The following OSBPL3 variants were observed in gnomAD, a reference collection of about 807,000 sequenced individuals.
OSBPL3 encodes oxysterol binding protein like 3.
OSBPL3 carries 65 observed loss-of-function variants against 120.1 expected under a neutral mutation model. The observed-to-expected ratio is 0.54, with a 90% CI of 0.44 to 0.67. OSBPL3 has a LOEUF of 0.67. Ranked by LOEUF, OSBPL3 falls within the 30% of genes least tolerant of loss-of-function variation. OSBPL3 has a pLI of 0.00. For missense variants in OSBPL3, 1,004 were observed against 1,082.1 expected, an observed-to-expected ratio of 0.93 and a Z score of 1.01; for synonymous variants, 416 against 402.6, an observed-to-expected ratio of 1.03 and a Z score of -0.40.
intron 14 of OSBPL3, among the ~76,000 whole-genome samples, chr7:24,836,979 T>A (rs1797077713): frequency 1.3e-5 from 2 of 152,070 alleles, no homozygotes; most frequent in South Asian, 4.1e-4. Context: ...GGACCACAGA[T>A]GCACACCAAC....
At chr7:24,941,859 C>T (rs771095132) in intron 1 of OSBPL3, among the ~76,000 whole-genome samples, 10 of 152,162 alleles carry the variant, frequency 6.6e-5, no homozygotes, top group Admixed American at 1.3e-4. Context: ...GCCTCCTAAG[C>T]GCCAACTCAA....
chr7:24,938,779 A>ATGTGTGTGTCTGTGTGTG lies in OSBPL3; in HGVS notation c.-150+41106_-150+41107insCACACACAGACACACACA, dbSNP rs1464067345. Among the ~76,000 whole-genome samples the ATGTGTGTGTCTGTGTGTG allele has an allele frequency of 5.6e-4, 53 of 94,258 alleles. 3 individuals are homozygous for ATGTGTGTGTCTGTGTGTG. The highest frequency in any genetic ancestry group is 1.7e-3 in the African/African-American group (41 of 24,504). The allele number at this position is 94,258 out of a possible 152,430, so 61.8% of individuals were successfully genotyped here. A position where few individuals can be genotyped will look rare whatever the true frequency, so the allele number is the denominator to read the frequency against. ...AACTGAATAATGAGGTTTTGTTTTG[A>ATGTGTGTGTCTGTGTGTG]TGTGTGTGTGTGTGTGTGTGTGTGT... On this transcript the variant is annotated intron_variant, in intron 1 of 22. Coordinates refer to ENST00000313367, the MANE Select transcript of OSBPL3 (RefSeq NM_015550.4). This position sits in a 1 kb window ranked among gnomAD's most constrained non-coding sequence, Gnocchi z 5.8.
intron 19 of OSBPL3, among the ~76,000 whole-genome samples, chr7:24,811,490 T>C (rs553129043): frequency 6.6e-6 from 1 of 152,368 alleles, no homozygotes; most frequent in Admixed American, 6.5e-5. Context: ...ATTGTTTCCT[T>C]TGCTGTTTAG....
Position 24,881,630 on chromosome 7 carries a change from G to T in OSBPL3, c.97-9561C>A, listed in dbSNP as rs950714549. Among the ~76,000 whole-genome samples, 7 of 152,170 alleles carry T rather than the reference G, an allele frequency of 4.6e-5. No homozygotes were observed. Among genetic ancestry groups the T allele is most frequent in the African/African-American group, 1.7e-4 (7 of 41,454 alleles). On this transcript the variant is annotated intron_variant, in intron 2 of 22. Transcript: ENST00000313367. The surrounding 1 kb of genome is among the most constrained non-coding windows in gnomAD (Gnocchi z 4.3). ...CAAAGCCTAGATCCACATGAGCTGG[G>T]ACTCCCAGAAAAAATGACACACAGT...
In OSBPL3 at chr7:24,871,914, T is replaced by A; in HGVS notation, c.213+39A>T. On this transcript the variant is annotated intron_variant, in intron 3 of 22. Transcript: ENST00000313367. The surrounding 1 kb of genome is among the most constrained non-coding windows in gnomAD (Gnocchi z 4.8). ...AAGAACCAGGTGCTGAGTGGGGCAGTGTGAGTGCAAATAAAGGGGAGGCCA... is the reference window on the plus strand; with the variant it reads ...AAGAACCAGGTGCTGAGTGGGGCAGAGTGAGTGCAAATAAAGGGGAGGCCA... The A allele has an allele frequency of 6.7e-7, 1 of 1,486,114 alleles. No individual in the cohort carries two copies. The highest frequency in any genetic ancestry group is 9.4e-7 in the Non-Finnish European group (1 of 1,063,388). 92.1% of individuals were successfully genotyped at this position (1,486,114 alleles called of 1,614,324 possible). A position where few individuals can be genotyped will look rare whatever the true frequency, so the allele number is the denominator to read the frequency against.
rs770586625 is a variant in OSBPL3, at chr7:24,877,092, C to T, written c.97-5023G>A. Among the ~76,000 whole-genome samples, 1 of 152,170 alleles carries T rather than the reference C, an allele frequency of 6.6e-6. No homozygotes were observed. The highest frequency in any genetic ancestry group is 1.5e-5 in the Non-Finnish European group (1 of 68,038). The stretch of plus-strand genomic sequence containing the variant: ...GTTACAAAACCAAGTGACGAAGCCA[C>T]CTGACTGCAGAACTTACATTTTTAA... On this transcript the variant is annotated intron_variant, in intron 2 of 22. Transcript: ENST00000313367. This position sits in a 1 kb window ranked among gnomAD's most constrained non-coding sequence, Gnocchi z 4.8.
At chr7:24,847,075 A>AAG (rs1554362114) in intron 12 of OSBPL3, among the ~76,000 whole-genome samples, 1 of 145,286 alleles carries the variant, frequency 6.9e-6, no homozygotes, top group Non-Finnish European at 1.5e-5. Context: ...AAAAAAAAAA[A>AAG]AAAGAAAGAA....
Position 24,946,717 on chromosome 7 carries a change from C to T in OSBPL3, c.-150+33169G>A, listed in dbSNP as rs1053584307. On this transcript the variant is annotated intron_variant, in intron 1 of 22. Coordinates refer to ENST00000313367, the MANE Select transcript of OSBPL3 (RefSeq NM_015550.4). The surrounding 1 kb of genome is among the most constrained non-coding windows in gnomAD (Gnocchi z 4.3). ...AAGGGCAGGCTCAGGTCCATCTTAT[C>T]CACTCCATGTGGCAAACATTTCTCC... is the stretch of plus-strand genomic sequence containing the variant. 1.3e-5 allele frequency among the ~76,000 whole-genome samples: 2 copies of T among 152,172 alleles called. No individual in the cohort carries two copies. The highest frequency in any genetic ancestry group is 2.9e-5 in the Non-Finnish European group (2 of 68,042).
chr7:24,874,672 A>T (rs1802611306), intron 2 of OSBPL3, among the ~76,000 whole-genome samples: 1 of 151,118 alleles, frequency 6.6e-6, no homozygotes, highest in Non-Finnish European at 1.5e-5. Flanking sequence ...AAGGAGTTGC[A>T]TTTTTTTTTC....
Position 24,830,958 on chromosome 7 carries a change from T to C in OSBPL3, c.1747-53A>G, listed in dbSNP as rs1208921751. 6.6e-7 allele frequency: 1 copy of C among 1,513,128 alleles called. No homozygotes were observed. The highest frequency in any genetic ancestry group is 8.8e-7 in the Non-Finnish European group (1 of 1,131,048). 93.7% of individuals were successfully genotyped at this position (1,513,128 alleles called of 1,614,324 possible). ...ATTTCCGTGTCACCAAGAGCTTTAT[T>C]GTTCACAAAGAACTAAACAAAATAA... On this transcript the variant is annotated intron_variant, in intron 15 of 22. Transcript: ENST00000313367. This position sits in a 1 kb window ranked among gnomAD's most constrained non-coding sequence, Gnocchi z 4.4.
rs573461447 is a variant in OSBPL3 at position 24,946,182 on chromosome 7, A to G, written c.-150+33704T>C. 6.6e-6 allele frequency among the ~76,000 whole-genome samples: 1 copy of G among 152,264 alleles called. No homozygotes were observed. Among genetic ancestry groups the G allele is most frequent in the Non-Finnish European group, 1.5e-5 (1 of 68,020 alleles). On this transcript the variant is annotated intron_variant, in intron 1 of 22. Coordinates refer to ENST00000313367, the MANE Select transcript of OSBPL3 (RefSeq NM_015550.4). The surrounding 1 kb of genome is among the most constrained non-coding windows in gnomAD (Gnocchi z 4.3). ...GCTGGGGCTGCTGGCTGGGTCACCTACACATGGTTTCTCCAGCATAGAATC... is the reference window on the plus strand; with the variant it reads ...GCTGGGGCTGCTGGCTGGGTCACCTGCACATGGTTTCTCCAGCATAGAATC...
chr7:24,893,755 G>GT (rs1271008272), intron 1 of OSBPL3, among the ~76,000 whole-genome samples: 4 of 136,014 alleles, frequency 2.9e-5, no homozygotes, highest in Non-Finnish European at 6.4e-5. Context: ...GGGCGGGGGG[G>GT]ACGGGGGGGT....
chr7:24,951,587 C>T (rs1450229079), intron 1 of OSBPL3, among the ~76,000 whole-genome samples: 1 of 152,174 alleles, frequency 6.6e-6, no homozygotes, highest in African/African-American at 2.4e-5. Flanking sequence ...TGTGCATATA[C>T]ACAAATCCCT....
chr7:24,919,441 TG>T (rs1032900308), intron 1 of OSBPL3, among the ~76,000 whole-genome samples: 1 of 152,140 alleles, frequency 6.6e-6, no homozygotes, highest in Admixed American at 6.5e-5. Context: ...GTGCTGGTGC[TG>T]GAACTTGATA....
intron 1 of OSBPL3, among the ~76,000 whole-genome samples, chr7:24,954,072 C>G (rs972927596): frequency 1.3e-5 from 2 of 152,148 alleles, no homozygotes; most frequent in African/African-American, 2.4e-5. Flanking sequence ...TCATGATATT[C>G]CACTCTTCTA....
At chr7:24,847,152 A>G (rs1477175403) in intron 12 of OSBPL3, among the ~76,000 whole-genome samples, 1 of 152,138 alleles carries the variant, frequency 6.6e-6, no homozygotes, top group Non-Finnish European at 1.5e-5. Flanking sequence ...GGCTGACCCC[A>G]TTGGTGGAGA....
At chr7:24,917,502 T>A in intron 1 of OSBPL3, among the ~76,000 whole-genome samples, 1 of 144,172 alleles carries the variant, frequency 6.9e-6, no homozygotes, top group Non-Finnish European at 1.5e-5. Context: ...AACAGGGAGT[T>A]TCATCAATTT....
Position 24,809,929 on chromosome 7 carries a change from G to T in OSBPL3, c.2195C>A (p.Ala732Asp). Residue 732 changes from alanine to aspartate, a missense_variant, in exon 20 of 23, where the codon GCC becomes GAC. By Grantham distance (126) the Ala-to-Asp change is moderately radical (BLOSUM62 -2). Transcript: ENST00000313367. ...FIKAKYWSTN[A>D]HEIEGTVFDR... The stretch of plus-strand genomic sequence containing the variant: ...AAACACTGTGCCTTCAATCTCATGG[G>T]CATTAGTGCTCCAGTATTTTGCCTA... 1 of 1,614,142 alleles carries T rather than the reference G, an allele frequency of 6.2e-7. No individual in the cohort carries two copies. Among genetic ancestry groups the T allele is most frequent in the South Asian group, 1.1e-5 (1 of 91,084 alleles).
intron 2 of OSBPL3, among the ~76,000 whole-genome samples, chr7:24,874,722 G>C (rs906286234): frequency 3.6e-4 from 55 of 152,020 alleles, no homozygotes; most frequent in Middle Eastern, 6.8e-3. Flanking sequence ...TCTTCCACCT[G>C]GGGTCAGAAC....
Sources: allele counts gnomAD v4.1 joint callset (sites outside exome capture counted in the v4.1 genomes callset), GRCh38; gene constraint gnomAD v4.1.1; non-coding constraint Gnocchi (gnomAD v3.1); transcripts MANE v1.5; gene names NCBI Gene and HGNC (gene_info 2026-07-23, HGNC 2026-07-21).